The following STAG1 variants were observed in gnomAD, a reference collection of about 807,000 sequenced individuals.
STAG1 encodes STAG1 cohesin complex component, also known as cohesin subunit SA-1.
A neutral mutation model predicts 170.9 loss-of-function variants in STAG1; 26 were observed. That is an observed-to-expected ratio of 0.15 (90% CI 0.11 to 0.21). The LOEUF is 0.21. Ranked by LOEUF, STAG1 falls within the 10% of genes least tolerant of loss-of-function variation. The pLI is 1.00. For synonymous variants in STAG1, 514 were observed against 497.7 expected, an observed-to-expected ratio of 1.03 and a Z score of -0.44; for missense variants, 964 against 1,509.5, an observed-to-expected ratio of 0.64 and a Z score of 5.99.
At chr3:136,342,861 C>T (rs1029978055) in intron 30 of STAG1, among the ~76,000 whole-genome samples, 1 of 152,088 alleles carries the variant, frequency 6.6e-6, no homozygotes, top group Non-Finnish European at 1.5e-5. Flanking sequence ...AGAAACCCAC[C>T]CTGTAGGAAG....
intron 22 of STAG1, among the ~76,000 whole-genome samples, chr3:136,392,542 G>T (rs1365313286): frequency 1.3e-5 from 2 of 151,982 alleles, no homozygotes; most frequent in African/African-American, 4.8e-5. Flanking sequence ...TGAGGCAGGT[G>T]GATCACAAGG....
At chr3:136,622,978 T>C (rs993175391) in intron 3 of STAG1, among the ~76,000 whole-genome samples, 168 bp downstream of exon 3, 2 of 152,220 alleles carry the variant, frequency 1.3e-5, no homozygotes, top group African/African-American at 4.8e-5. Flanking sequence ...TCATCTCCTT[T>C]TTCTGATCAC....
intron 14 of STAG1, among the ~76,000 whole-genome samples, chr3:136,449,899 G>A (rs1576476483): frequency 7.8e-6 from 1 of 127,838 alleles, no homozygotes; most frequent in South Asian, 2.3e-4. Flanking sequence ...AACTATTGTT[G>A]CTTTTTTTTT....
chr3:136,453,180 A>G (rs1300752865), intron 13 of STAG1, among the ~76,000 whole-genome samples: 2 of 152,232 alleles, frequency 1.3e-5, no homozygotes, highest in Non-Finnish European at 2.9e-5. Flanking sequence ...AGTTTTTAGT[A>G]AAATGACATT....
At chr3:136,681,757 C>T (rs912729009) in intron 1 of STAG1, among the ~76,000 whole-genome samples, 1 of 151,906 alleles carries the variant, frequency 6.6e-6, no homozygotes, top group African/African-American at 2.4e-5. Flanking sequence ...CAATACACTA[C>T]ATTAACAGAA....
chr3:136,655,593 T>A (rs1371156223), intron 1 of STAG1, among the ~76,000 whole-genome samples: 1 of 152,194 alleles, frequency 6.6e-6, no homozygotes, highest in Non-Finnish European at 1.5e-5. Flanking sequence ...TGACACCCCA[T>A]TTCTACTAAA....
chr3:136,398,867 T>A lies in STAG1; in HGVS notation c.2197-38A>T, dbSNP rs1461540627. Reference sequence around the variant, plus strand: ...AAAAAAAATTTTTTTAATGAAAAATTCAAAAAAATGAGATCATCTGTTTGC... The same window carrying A: ...AAAAAAAATTTTTTTAATGAAAAATACAAAAAAATGAGATCATCTGTTTGC... On this transcript the variant is annotated intron_variant, in intron 21 of 33. Transcript: ENST00000383202. 7 of 1,314,382 alleles carry A rather than the reference T, an allele frequency of 5.3e-6. No individual in the cohort carries two copies. In the Admixed American group the frequency reaches 6.4e-5, roughly 12 times the overall value. The allele number at this position is 1,314,382 out of a possible 1,614,324, so 81.4% of individuals were successfully genotyped here.
intron 4 of STAG1, among the ~76,000 whole-genome samples, chr3:136,599,507 G>A (rs1021364912): frequency 1.3e-5 from 2 of 151,922 alleles, no homozygotes; most frequent in African/African-American, 2.4e-5. Flanking sequence ...CTCCAGCCTG[G>A]GTGACAGAGC....
At chr3:136,682,374 A>C (rs954809354) in intron 1 of STAG1, among the ~76,000 whole-genome samples, 1 of 151,732 alleles carries the variant, frequency 6.6e-6, no homozygotes, top group South Asian at 2.1e-4. Context: ...GCAGTGAGCC[A>C]AGATCATGCC....
At chr3:136,369,507 C>A (rs1199308435) in intron 23 of STAG1, among the ~76,000 whole-genome samples, 1 of 152,018 alleles carries the variant, frequency 6.6e-6, no homozygotes, top group African/African-American at 2.4e-5. Context: ...TAACCTATTT[C>A]TTTTACTTTG....
At chr3:136,537,518 T>G (rs1935695757) in intron 6 of STAG1, among the ~76,000 whole-genome samples, 1 of 151,202 alleles carries the variant, frequency 6.6e-6, no homozygotes, top group South Asian at 2.1e-4. Context: ...TTTTTTTTTT[T>G]GAGGTGAAGT....
chr3:136,684,085 T>C (rs751719744), intron 1 of STAG1, among the ~76,000 whole-genome samples: 80 of 152,184 alleles, frequency 5.3e-4, no homozygotes, highest in Non-Finnish European at 1.0e-3. Flanking sequence ...CTCAGTATTA[T>C]CAAGATGTCA....
chr3:136,714,945 A>ATATATATATATATATATAT (rs1212989261), intron 1 of STAG1, among the ~76,000 whole-genome samples: 2 of 71,098 alleles, frequency 2.8e-5, no homozygotes, highest in Non-Finnish European at 6.3e-5. Flanking sequence ...TTAAATATAT[A>ATATATATATATATATATAT]TATATATATA....
chr3:136,349,276 T>C lies in STAG1; in HGVS notation c.3153A>G (p.Ser1051=). 1 of 1,614,074 alleles carries C rather than the reference T, an allele frequency of 6.2e-7. No individual in the cohort carries two copies. The highest frequency in any genetic ancestry group is 8.5e-7 in the Non-Finnish European group (1 of 1,179,926). ...VWLPLISYRN[S]LVTGGEDDRM... is the part of the protein sequence containing the mutation. ...TATCATCTTCACCCCCAGTGACTAA[T>C]GAATTTCTATAGGAGATGAGTGGAA... Residue 1051 remains serine (S), a synonymous_variant, in exon 29 of 34, where the codon TCA becomes TCG. Coordinates refer to ENST00000383202, the MANE Select transcript of STAG1 (RefSeq NM_005862.3).
intron 16 of STAG1, 110 bp downstream of exon 16, chr3:136,433,446 T>C: frequency 1.3e-6 from 1 of 782,054 alleles, no homozygotes; most frequent in Non-Finnish European, 2.1e-6. Flanking sequence ...CCATCATTTA[T>C]AAAAACACCA....
At chr3:136,732,900 G>T (rs755381767) in intron 1 of STAG1, among the ~76,000 whole-genome samples, 2 of 151,848 alleles carry the variant, frequency 1.3e-5, no homozygotes, top group South Asian at 4.1e-4. Context: ...GAGCCACCAC[G>T]CTCGGCCTCA....
At chr3:136,536,703 CAAAAAAAAAAAAA>C (rs11321017) in intron 6 of STAG1, among the ~76,000 whole-genome samples, 94 of 70,944 alleles carry the variant, frequency 1.3e-3, no homozygotes, top group African/African-American at 4.7e-3. Flanking sequence ...ACTCAGTCTC[CAAAAAAAAAAAAA>C]AAAAAAAAAA....
chr3:136,400,356 T>C (rs2087287384), intron 21 of STAG1, among the ~76,000 whole-genome samples: 1 of 151,566 alleles, frequency 6.6e-6, no homozygotes, highest in Non-Finnish European at 1.5e-5. Context: ...GCCTCCTGAG[T>C]AGCTGGAACT....
At chr3:136,702,115 G>GACAGAGAGACAGAGAGAC (rs576739895) in intron 1 of STAG1, among the ~76,000 whole-genome samples, 22 of 66,326 alleles carry the variant, frequency 3.3e-4, no homozygotes, top group Non-Finnish European at 3.6e-5. Context: ...GAGAGAGAGA[G>GACAGAGAGACAGAGAGAC]AGAGAGACAG....
Sources: gnomAD v4.1 joint callset for allele counts (sites outside exome capture counted in the v4.1 genomes callset) on GRCh38, gnomAD v4.1.1 for gene constraint, MANE v1.5 for transcripts, NCBI Gene and HGNC (gene_info 2026-07-23, HGNC 2026-07-21) for gene names.